Variants in RIMS1 observed in about 807,000 individuals in gnomAD.
RIMS1 encodes the protein regulating synaptic membrane exocytosis protein 1.
RIMS1 carries 83 observed loss-of-function variants against 214.1 expected under a neutral mutation model. That is an observed-to-expected ratio of 0.39 (90% CI 0.32 to 0.47). RIMS1 has a LOEUF of 0.47. Among genes scored for constraint, RIMS1 ranks in the 20% least tolerant of loss-of-function variants. The pLI is 0.99. For missense variants in RIMS1, 2,050 were observed against 2,161.8 expected (o/e 0.95, Z 1.03); for synonymous variants, 793 against 786.8 (o/e 1.01, Z -0.13).
intron 28 of RIMS1, among the ~76,000 whole-genome samples, chr6:72,327,818 A>G (rs1033921584): frequency 1.3e-5 from 2 of 151,986 alleles, no homozygotes; most frequent in African/African-American, 2.4e-5. Flanking sequence ...CTGAGTTAGC[A>G]ATTTTTTGAA....
In RIMS1 at chr6:72,182,817, C is replaced by T. The variant is rs1442226337; in HGVS notation, c.1346C>T (p.Pro449Leu). The change falls in exon 6 of 34, where the codon CCG (proline) becomes CTG (leucine). Residue 449 changes from proline to leucine, a missense_variant. This residue lies in a region of RIMS1 where 882 missense variants were observed against 828.9 expected (regional missense o/e 1.06). Coordinates refer to ENST00000521978, the MANE Select transcript of RIMS1 (RefSeq NM_014989.7). ...PGAKQLTNHS[P>L]PAPRHGPVPA... The stretch of plus-strand genomic sequence containing the variant: ...GCCAAGCAGCTAACGAACCACAGCC[C>T]GCCGGCGCCCAGACATGGGCCGGTT... The T allele has an allele frequency of 1.3e-5, 20 of 1,549,512 alleles. No individual in the cohort carries two copies. Among genetic ancestry groups the T allele is most frequent in the Non-Finnish European group, 1.7e-5 (19 of 1,150,130 alleles).
intron 4 of RIMS1, among the ~76,000 whole-genome samples, chr6:72,123,422 G>A (rs942267101): frequency 2.6e-5 from 4 of 152,050 alleles, no homozygotes; most frequent in East Asian, 3.9e-4. Flanking sequence ...TAAGTGTGAT[G>A]TGGTGCTGAA....
intron 16 of RIMS1, among the ~76,000 whole-genome samples, chr6:72,253,964 C>A (rs565488740): frequency 6.6e-6 from 1 of 152,130 alleles, no homozygotes; most frequent in Non-Finnish European, 1.5e-5. Context: ...CTCCCAGGTT[C>A]GAGTGATTCT....
At chr6:72,240,981 A>G (rs924459179) in intron 9 of RIMS1, among the ~76,000 whole-genome samples, 1 of 152,094 alleles carries the variant, frequency 6.6e-6, no homozygotes, top group African/African-American at 2.4e-5. Flanking sequence ...GCGCCACTGC[A>G]CTCTAGCCTG....
chr6:72,003,232 G>A (rs1452712821), intron 2 of RIMS1, among the ~76,000 whole-genome samples: 1 of 152,106 alleles, frequency 6.6e-6, no homozygotes, highest in Non-Finnish European at 1.5e-5. Flanking sequence ...CAGATCTTAT[G>A]GCTCTTTTCT....
chr6:72,215,846 G>T (rs2055740534), intron 6 of RIMS1, among the ~76,000 whole-genome samples: 1 of 152,106 alleles, frequency 6.6e-6, no homozygotes, highest in South Asian at 2.1e-4. Flanking sequence ...GTTGTTTTTG[G>T]TAATGAGATG....
At chr6:72,061,754 A>G (rs1827925948) in intron 2 of RIMS1, among the ~76,000 whole-genome samples, 1 of 152,284 alleles carries the variant, frequency 6.6e-6, no homozygotes, top group South Asian at 2.1e-4. Flanking sequence ...TTACATGCAT[A>G]AAGTTCGAGT....
Position 72,232,868 on chromosome 6 carries a change from A to G in RIMS1, c.1679-905A>G, listed in dbSNP as rs1034336097. Among the ~76,000 whole-genome samples, 6 of 151,950 alleles carry G rather than the reference A, an allele frequency of 3.9e-5. No homozygotes were observed. In the East Asian group the frequency reaches 1.2e-3, roughly 29 times the overall value. On this transcript the variant is annotated intron_variant, in intron 6 of 33. Coordinates refer to ENST00000521978, the MANE Select transcript of RIMS1 (RefSeq NM_014989.7). ...TTCTTTACCTATGATCTTTACAGGCATCAACCAAGCATATTTTCCCAACAG... is the reference window on the plus strand; with the variant it reads ...TTCTTTACCTATGATCTTTACAGGCGTCAACCAAGCATATTTTCCCAACAG...
intron 2 of RIMS1, among the ~76,000 whole-genome samples, chr6:72,066,056 G>A (rs1829221315): frequency 6.6e-6 from 1 of 152,126 alleles, no homozygotes; most frequent in Middle Eastern, 3.4e-3. Context: ...AGGGGTAGTT[G>A]TATATATGCA....
intron 6 of RIMS1, among the ~76,000 whole-genome samples, chr6:72,218,370 G>T (rs1222082812): frequency 6.6e-6 from 1 of 152,164 alleles, no homozygotes; most frequent in Admixed American, 6.5e-5. Context: ...CAGCTGAAGA[G>T]AGCTCCTGCC....
chr6:72,275,793 T>A (rs2086066474), intron 23 of RIMS1, among the ~76,000 whole-genome samples: 1 of 152,208 alleles, frequency 6.6e-6, no homozygotes, highest in South Asian at 2.1e-4. Context: ...TTGCTACTCA[T>A]TTATTCAATA....
intron 29 of RIMS1, among the ~76,000 whole-genome samples, chr6:72,384,139 G>A (rs557543328): frequency 9.9e-5 from 15 of 152,214 alleles, no homozygotes; most frequent in South Asian, 2.1e-4. Context: ...CTCTCCAGCC[G>A]ATAATGTTAA....
At chr6:72,330,940 A>C (rs2096635772) in intron 28 of RIMS1, among the ~76,000 whole-genome samples, 1 of 151,478 alleles carries the variant, frequency 6.6e-6, no homozygotes, top group African/African-American at 2.4e-5. Flanking sequence ...ATCTGGACAT[A>C]TATTTTTTGA....
intron 29 of RIMS1, among the ~76,000 whole-genome samples, chr6:72,368,445 C>A (rs968500326): frequency 7.0e-6 from 1 of 143,714 alleles, no homozygotes; most frequent in African/African-American, 2.5e-5. Context: ...GGGACTACCA[C>A]GCCCAGATAA....
At chr6:72,216,320 C>A in intron 6 of RIMS1, 1 of 330,012 alleles carries the variant, frequency 3.0e-6, no homozygotes, top group Non-Finnish European at 4.3e-6. Context: ...AAATATGCAT[C>A]TTTAAAAATA....
intron 4 of RIMS1, among the ~76,000 whole-genome samples, chr6:72,173,075 T>C (rs148803184): frequency 4.6e-5 from 7 of 152,308 alleles, no homozygotes; most frequent in Admixed American, 4.6e-4. Context: ...TTTCTTAAAC[T>C]GCCTTATATT....
intron 29 of RIMS1, among the ~76,000 whole-genome samples, chr6:72,369,399 G>A (rs1298417540): frequency 6.6e-6 from 1 of 152,082 alleles, no homozygotes; most frequent in East Asian, 1.9e-4. Context: ...ACCCAGTGAA[G>A]CAGAATCTGT....
At chr6:72,234,374 GTTGT>G (rs924280075) in intron 7 of RIMS1, among the ~76,000 whole-genome samples, 3 of 151,918 alleles carry the variant, frequency 2.0e-5, no homozygotes, top group African/African-American at 7.2e-5. Context: ...AAGAAAGCAA[GTTGT>G]TTATTTTTAA....
chr6:72,319,663 T>C (rs2096036909), intron 28 of RIMS1, among the ~76,000 whole-genome samples: 1 of 151,846 alleles, frequency 6.6e-6, no homozygotes, highest in Non-Finnish European at 1.5e-5. Context: ...TAGACCTTGA[T>C]TTTTTTTCAC....
Sources: allele counts gnomAD v4.1 joint callset (sites outside exome capture counted in the v4.1 genomes callset), GRCh38; gene constraint gnomAD v4.1.1; regional missense constraint gnomAD v4.1.1; transcripts MANE v1.5; gene names NCBI Gene and HGNC (gene_info 2026-07-23, HGNC 2026-07-21).